PDZD2: variants seen among roughly 807,000 people sequenced by gnomAD.
PDZD2 encodes PDZ domain-containing protein 2.
A neutral mutation model predicts 220.7 loss-of-function variants in PDZD2; 90 were observed. The ratio of observed to expected loss-of-function variants is 0.41; its 90% confidence interval spans 0.34 to 0.49. The LOEUF is 0.49. Among genes scored for constraint, PDZD2 ranks in the 20% least tolerant of loss-of-function variants. The pLI, the probability that PDZD2 is intolerant of heterozygous loss-of-function variation, is 0.28. For synonymous variants in PDZD2, 1,375 were observed against 1,450.5 expected, an observed-to-expected ratio of 0.95 and a Z score of 1.18; for missense variants, 3,174 against 3,608.5, an observed-to-expected ratio of 0.88 and a Z score of 3.08.
chr5:31,988,298 T>C (rs1750871766), intron 3 of PDZD2, among the ~76,000 whole-genome samples: 1 of 152,232 alleles, frequency 6.6e-6, no homozygotes, highest in Non-Finnish European at 1.5e-5. Context: ...GTTAACTGTC[T>C]GCCTCCATCT....
intron 2 of PDZD2, among the ~76,000 whole-genome samples, chr5:31,948,383 T>A (rs1581140693): frequency 6.6e-6 from 1 of 152,194 alleles, no homozygotes; most frequent in African/African-American, 2.4e-5. Flanking sequence ...CTTTTCGACC[T>A]TGTTTTCCAG....
intron 2 of PDZD2, among the ~76,000 whole-genome samples, chr5:31,978,309 A>G (rs907444463): frequency 1.3e-5 from 2 of 152,186 alleles, no homozygotes; most frequent in Non-Finnish European, 2.9e-5. Context: ...ATCCTACTGA[A>G]CAGAAAAAGG....
At chr5:31,841,080 A>G (rs1165807175) in intron 2 of PDZD2, 6 of 259,424 alleles carry the variant, frequency 2.3e-5, no homozygotes, top group Non-Finnish European at 4.4e-5. Context: ...TAAATTATAA[A>G]AGCACTACTA....
intron 2 of PDZD2, chr5:31,854,963 G>A: frequency 1.0e-6 from 1 of 985,452 alleles, no homozygotes; most frequent in Non-Finnish European, 1.2e-6. Flanking sequence ...GCAGCCTTCG[G>A]GAAGTCCTGC....
chr5:32,001,419 C>T (rs185645107), intron 5 of PDZD2, among the ~76,000 whole-genome samples: 37 of 151,996 alleles, frequency 2.4e-4, no homozygotes, highest in Admixed American at 1.3e-3. Flanking sequence ...TCCTGTTTGC[C>T]CAGCCAATTT....
chr5:31,805,150 G>A (rs1754639721), intron 2 of PDZD2, among the ~76,000 whole-genome samples: 1 of 152,150 alleles, frequency 6.6e-6, no homozygotes, highest in South Asian at 2.1e-4. Context: ...AGCCTAGATT[G>A]TGCCGCCATT....
Position 32,100,944 on chromosome 5 carries a change from G to A in PDZD2, c.8219-161G>A, listed in dbSNP as rs563562015. 7 of 1,600,370 alleles carry A rather than the reference G, an allele frequency of 4.4e-6. No individual in the cohort carries two copies. The Middle Eastern group carries it at 5.0e-4, about 114-fold the overall frequency. On this transcript the variant is annotated intron_variant, in intron 23 of 24. Coordinates refer to ENST00000438447, the MANE Select transcript of PDZD2 (RefSeq NM_178140.4). ...GAATTGGGAGGCCAACAGTGCTACT[G>A]GGCTCAAGTGCTGTTATAAGTAAGT...
intron 1 of PDZD2, among the ~76,000 whole-genome samples, chr5:31,773,716 C>G (rs10054583): frequency 6.6e-6 from 1 of 152,012 alleles, no homozygotes; most frequent in Non-Finnish European, 1.5e-5. Flanking sequence ...GAGAGGGAGA[C>G]AGTCTAGTGG....
At chr5:31,648,041 A>G (rs539862484) in intron 1 of PDZD2, among the ~76,000 whole-genome samples, 2 of 152,306 alleles carry the variant, frequency 1.3e-5, no homozygotes, top group Admixed American at 6.5e-5. Context: ...GATGCTGGTA[A>G]CAGTAGTTGG....
intron 2 of PDZD2, among the ~76,000 whole-genome samples, chr5:31,974,104 C>T (rs920767341): frequency 6.6e-6 from 1 of 152,178 alleles, no homozygotes; most frequent in African/African-American, 2.4e-5. Context: ...TTTCAGCCTC[C>T]CAAGTAGCTG....
chr5:32,037,378 G>GCTGAAAACTC, intron 7 of PDZD2, 36 bp downstream of exon 7: 1 of 1,222,064 alleles, frequency 8.2e-7, no homozygotes, highest in Non-Finnish European at 1.2e-6. Flanking sequence ...GCCTGTCTAG[G>GCTGAAAACTC]ATGAGTTTTC....
intron 2 of PDZD2, among the ~76,000 whole-genome samples, chr5:31,884,424 T>G (rs974771609): frequency 2.8e-4 from 42 of 152,130 alleles, no homozygotes; most frequent in Admixed American, 1.9e-3. Flanking sequence ...ATTCTGCTCT[T>G]AGAAGCTCTG....
Position 32,090,595 on chromosome 5 carries a change from G to A in PDZD2, c.7147G>A (p.Gly2383Ser). 1 of 1,613,960 alleles carries A rather than the reference G, an allele frequency of 6.2e-7. No individual in the cohort carries two copies. The highest frequency in any genetic ancestry group is 8.5e-7 in the Non-Finnish European group (1 of 1,179,998). ...CGGCAGCATTGTTTCCGGGAGCCTG[G>A]GCCACCCAGGTGACGCAGCAGCAAG... The part of the protein sequence containing the change: ...SSGSIVSGSL[G>S]HPGDAAARLL... Residue 2383 changes from glycine (G) to serine (S), a missense_variant, in exon 20 of 25, where the codon GGC (glycine) becomes AGC (serine). This residue lies in a region of PDZD2 where 631 missense variants were observed against 789.9 expected (regional missense o/e 0.80). Transcript: ENST00000438447. The surrounding 1 kb of genome is among the most constrained non-coding windows in gnomAD (Gnocchi z 4.3).
chr5:31,743,647 A>T (rs1750402110), intron 1 of PDZD2, among the ~76,000 whole-genome samples: 1 of 152,182 alleles, frequency 6.6e-6, no homozygotes, highest in Non-Finnish European at 1.5e-5. Context: ...GGCCTATGGC[A>T]TCCAGGTTCT....
In PDZD2 at chr5:31,752,068, G is replaced by GTTTTTTTTTTTTTTTTTTTTTTTTTTT. The variant is rs1251840861; in HGVS notation, c.-360-46821_-360-46820insTTTTTTTTTTTTTTTTTTTTTTTTTTT. Among the ~76,000 whole-genome samples the GTTTTTTTTTTTTTTTTTTTTTTTTTTT allele has an allele frequency of 1.2e-3, 117 of 95,912 alleles. 40 individuals are homozygous for GTTTTTTTTTTTTTTTTTTTTTTTTTTT. Among genetic ancestry groups the GTTTTTTTTTTTTTTTTTTTTTTTTTTT allele is most frequent in the Admixed American group, 2.0e-3 (14 of 6,950 alleles). The allele number at this position is 95,912 out of a possible 152,430, so 62.9% of individuals were successfully genotyped here. On this transcript the variant is annotated intron_variant, in intron 1 of 24. Coordinates refer to ENST00000438447, the MANE Select transcript of PDZD2 (RefSeq NM_178140.4). Reference sequence around the variant, plus strand: ...TTTGTTTGTTTGTTTTATTGTTTTGGGTTTGTTTTTTTTTTTTTTTTTCTG... The same window carrying GTTTTTTTTTTTTTTTTTTTTTTTTTTT: ...TTTGTTTGTTTGTTTTATTGTTTTGGTTTTTTTTTTTTTTTTTTTTTTTTTTTGTTTGTTTTTTTTTTTTTTTTTCTG...
At chr5:32,047,350 T>TA (rs1247547260) in intron 7 of PDZD2, among the ~76,000 whole-genome samples, 4 of 152,150 alleles carry the variant, frequency 2.6e-5, no homozygotes, top group Non-Finnish European at 5.9e-5. Context: ...ACAGCATGGG[T>TA]AAAGCTGGAC....
At chr5:31,708,683 A>T (rs1221900348) in intron 1 of PDZD2, among the ~76,000 whole-genome samples, 2 of 152,204 alleles carry the variant, frequency 1.3e-5, no homozygotes, top group African/African-American at 4.8e-5. Context: ...TCATGAATGG[A>T]GCCCTCTAGA....
chr5:32,026,493 C>T (rs1286485675), intron 6 of PDZD2, among the ~76,000 whole-genome samples: 1 of 152,212 alleles, frequency 6.6e-6, no homozygotes, highest in Non-Finnish European at 1.5e-5. Flanking sequence ...AGCCTTCCCA[C>T]CACTACCTTT....
At chr5:31,970,414 G>A (rs968044602) in intron 2 of PDZD2, among the ~76,000 whole-genome samples, 8 of 152,084 alleles carry the variant, frequency 5.3e-5, no homozygotes, top group South Asian at 4.2e-4. Flanking sequence ...CCAGCACTTA[G>A]GGAAGCTAAG....
Sources: allele counts gnomAD v4.1 joint callset (sites outside exome capture counted in the v4.1 genomes callset), GRCh38; gene constraint gnomAD v4.1.1; regional missense constraint gnomAD v4.1.1; non-coding constraint Gnocchi (gnomAD v3.1); transcripts MANE v1.5; gene names NCBI Gene and HGNC (gene_info 2026-07-23, HGNC 2026-07-21).